KLHL29: variants seen among roughly 807,000 people sequenced by gnomAD.
The protein encoded by KLHL29 is kelch-like protein 29.
KLHL29 carries 21 observed loss-of-function variants against 80.4 expected under a neutral mutation model. The ratio of observed to expected loss-of-function variants is 0.26; its 90% CI spans 0.19 to 0.38. KLHL29 has a LOEUF of 0.38. KLHL29 is among the 10% of genes least tolerant of loss of function. The probability of loss-of-function intolerance (pLI) is 1.00; values close to 1 mark genes in which losing one functional copy is unlikely to be tolerated. For synonymous variants in KLHL29, 511 were observed against 526.8 expected (o/e 0.97, Z 0.41); for missense variants, 867 against 1,223.9 (o/e 0.71, Z 4.35).
intron 11 of KLHL29, among the ~76,000 whole-genome samples, chr2:23,702,265 T>C (rs190641768): frequency 2.2e-4 from 34 of 152,322 alleles, no homozygotes; most frequent in Admixed American, 8.5e-4. Context: ...ACACCTGCCC[T>C]ACTGAACATC....
chr2:23,579,207 C>T (rs1455123361), intron 3 of KLHL29, among the ~76,000 whole-genome samples: 2 of 152,218 alleles, frequency 1.3e-5, no homozygotes, highest in Admixed American at 6.5e-5. Flanking sequence ...ACAGTTCTGC[C>T]CATTTACACA....
rs373749696 is a variant in KLHL29, at chr2:23,571,975, A to G, written c.285+9494A>G. Among the ~76,000 whole-genome samples, 228 of 152,372 alleles carry G rather than the reference A, an allele frequency of 1.5e-3. 4 individuals are homozygous for G. In the South Asian group the frequency reaches 0.046, roughly 30 times the overall value. ...ATGTCAGTTTGCTAAAAGCAGCTGC[A>G]GTGACCTTCGTGAGTACCCTGTCCT... On this transcript the variant is annotated intron_variant, in intron 3 of 13. Coordinates refer to ENST00000486442, the MANE Select transcript of KLHL29 (RefSeq NM_052920.2).
chr2:23,460,042 G>C (rs1415927398), intron 1 of KLHL29, among the ~76,000 whole-genome samples: 1 of 152,216 alleles, frequency 6.6e-6, no homozygotes, highest in East Asian at 1.9e-4. Flanking sequence ...TTGAAATGAT[G>C]AGAAGTATTT....
chr2:23,465,209 A>T (rs532919590), intron 1 of KLHL29, among the ~76,000 whole-genome samples: 4 of 152,226 alleles, frequency 2.6e-5, no homozygotes, highest in Non-Finnish European at 5.9e-5. Context: ...CCCAGAGAAC[A>T]AAGCCACCAG....
At position 23,647,665 on chromosome 2, in the gene KLHL29, G is replaced by T. The variant is rs1669976354; in HGVS notation, c.940+4815G>T. Among the ~76,000 whole-genome samples, 1 of 152,136 alleles carries T rather than the reference G, an allele frequency of 6.6e-6. No individual in the cohort carries two copies. Among genetic ancestry groups the T allele is most frequent in the African/African-American group, 2.4e-5 (1 of 41,434 alleles). Reference sequence around the variant, plus strand: ...TGCCAGAGTGATTTTTCAAAATGCAGGTCTGGCCCTGCCACACCCTGTCCA... The same window carrying T: ...TGCCAGAGTGATTTTTCAAAATGCATGTCTGGCCCTGCCACACCCTGTCCA... On this transcript the variant is annotated intron_variant, in intron 5 of 13. Coordinates refer to ENST00000486442, the MANE Select transcript of KLHL29 (RefSeq NM_052920.2). This position sits in a 1 kb window ranked among gnomAD's most constrained non-coding sequence, Gnocchi z 4.9.
intron 5 of KLHL29, among the ~76,000 whole-genome samples, chr2:23,648,201 C>T (rs1488761011): frequency 6.6e-6 from 1 of 152,134 alleles, no homozygotes; most frequent in African/African-American, 2.4e-5. Context: ...TATCCTGCCC[C>T]AGACCATACA....
At chr2:23,423,975 C>G (rs1472739175) in intron 1 of KLHL29, among the ~76,000 whole-genome samples, 3 of 151,842 alleles carry the variant, frequency 2.0e-5, no homozygotes, top group Non-Finnish European at 4.4e-5. Flanking sequence ...CATCCGCTCT[C>G]TCTCCCTTCC....
At chr2:23,517,827 T>G (rs973935770) in intron 2 of KLHL29, among the ~76,000 whole-genome samples, 3 of 152,216 alleles carry the variant, frequency 2.0e-5, no homozygotes, top group Non-Finnish European at 2.9e-5. Flanking sequence ...AAAGTCACTT[T>G]AGTGCAGTGT....
chr2:23,469,879 G>A (rs1039420318), intron 1 of KLHL29, among the ~76,000 whole-genome samples: 2 of 151,896 alleles, frequency 1.3e-5, no homozygotes, highest in South Asian at 2.1e-4. Context: ...GGGTCATTCC[G>A]GTTCTGCTTC....
chr2:23,636,722 G>A (rs778114378), intron 3 of KLHL29, among the ~76,000 whole-genome samples: 2 of 152,232 alleles, frequency 1.3e-5, no homozygotes, highest in African/African-American at 2.4e-5. Flanking sequence ...ATGAGTGAGC[G>A]GTAGGAGTGC....
intron 2 of KLHL29, among the ~76,000 whole-genome samples, chr2:23,516,069 C>A (rs182869140): frequency 1.3e-5 from 2 of 152,338 alleles, no homozygotes; most frequent in African/African-American, 4.8e-5. Context: ...ACAGCAGGGT[C>A]CCCTCTCCCT....
chr2:23,595,396 C>G (rs902760871), intron 3 of KLHL29, among the ~76,000 whole-genome samples: 2 of 152,220 alleles, frequency 1.3e-5, no homozygotes, highest in East Asian at 1.9e-4. Flanking sequence ...CAAGATCACT[C>G]AAACCCAAGT....
intron 2 of KLHL29, among the ~76,000 whole-genome samples, chr2:23,538,905 A>T (rs959670986): frequency 6.6e-6 from 1 of 152,266 alleles, no homozygotes; most frequent in Non-Finnish European, 1.5e-5. Context: ...TTTCTTCATC[A>T]TCAATCCCTC....
Position 23,562,080 on chromosome 2 carries a change from T to A in KLHL29, c.-45-72T>A. On this transcript the variant is annotated intron_variant, in intron 2 of 13. Transcript: ENST00000486442. The surrounding 1 kb of genome is among the most constrained non-coding windows in gnomAD (Gnocchi z 4.5). ...CTGTTATTGAACCCAGAGAAGGGGC[T>A]TCATGGATGCTGTCAGTTGTCGCTG... 8.3e-7 allele frequency: 1 copy of A among 1,200,376 alleles called. No individual in the cohort carries two copies. Among genetic ancestry groups the A allele is most frequent in the Non-Finnish European group, 1.2e-6 (1 of 853,376 alleles). 74.4% of individuals were successfully genotyped at this position (1,200,376 alleles called of 1,614,324 possible).
intron 5 of KLHL29, chr2:23,668,256 C>A (rs1670608284): frequency 6.6e-6 from 1 of 152,360 alleles, no homozygotes; most frequent in Non-Finnish European, 1.5e-5. Flanking sequence ...AAGCCAGCAC[C>A]TGTTTCCCTC....
intron 2 of KLHL29, among the ~76,000 whole-genome samples, chr2:23,550,649 A>G (rs1325527063): frequency 2.6e-5 from 4 of 152,190 alleles, no homozygotes; most frequent in Non-Finnish European, 5.9e-5. Context: ...GCCGTTCCCT[A>G]ATGTTTCCAA....
chr2:23,439,388 T>G (rs543083314), intron 1 of KLHL29, among the ~76,000 whole-genome samples: 2 of 152,110 alleles, frequency 1.3e-5, no homozygotes, highest in East Asian at 3.9e-4. Context: ...TTCTAGTTCT[T>G]TTAATTGTGA....
At chr2:23,505,791 G>A (rs143685932) in intron 2 of KLHL29, among the ~76,000 whole-genome samples, 29 of 152,336 alleles carry the variant, frequency 1.9e-4, no homozygotes, top group African/African-American at 7.0e-4. Flanking sequence ...GCCAGAGAAT[G>A]GTGGGGATTT....
intron 3 of KLHL29, among the ~76,000 whole-genome samples, chr2:23,603,298 C>T (rs914875145): frequency 5.3e-5 from 8 of 152,198 alleles, no homozygotes; most frequent in African/African-American, 1.9e-4. Flanking sequence ...GTTCATCCCA[C>T]GTGGCTGGAT....
Sources: gnomAD v4.1 joint callset for allele counts (sites outside exome capture counted in the v4.1 genomes callset) on GRCh38, gnomAD v4.1.1 for gene constraint, Gnocchi (gnomAD v3.1) non-coding constraint, MANE v1.5 for transcripts, NCBI Gene and HGNC (gene_info 2026-07-23, HGNC 2026-07-21) for gene names.